The following DGKG variants were observed in gnomAD, a reference collection of about 807,000 sequenced individuals.
DGKG encodes DAG kinase gamma.
A neutral mutation model predicts 105.3 loss-of-function variants in DGKG; 78 were observed. The observed-to-expected ratio is 0.74, with a 90% CI of 0.62 to 0.89. The LOEUF is 0.89. Among genes scored for constraint, DGKG ranks in the 40% least tolerant of loss-of-function variants. The pLI is 0.00. For synonymous variants in DGKG, 346 were observed against 367.1 expected (o/e 0.94, Z 0.66); for missense variants, 958 against 1,020.1 (o/e 0.94, Z 0.83).
At chr3:186,318,625 A>C (rs980088649) in intron 2 of DGKG, among the ~76,000 whole-genome samples, 1 of 151,856 alleles carries the variant, frequency 6.6e-6, no homozygotes, top group African/African-American at 2.4e-5. Context: ...GGAAAGGGGG[A>C]ACTTTGGACA....
At chr3:186,248,175 G>A (rs1207847433) in intron 19 of DGKG, among the ~76,000 whole-genome samples, 1 of 152,224 alleles carries the variant, frequency 6.6e-6, no homozygotes, top group Non-Finnish European at 1.5e-5. Flanking sequence ...TACTAAGGAG[G>A]GCCATCTTAT....
At chr3:186,254,615 C>T (rs565229890) in intron 17 of DGKG, among the ~76,000 whole-genome samples, 3 of 152,282 alleles carry the variant, frequency 2.0e-5, no homozygotes, top group Non-Finnish European at 4.4e-5. Flanking sequence ...TCACATATCA[C>T]ATTCTATGTG....
intron 23 of DGKG, among the ~76,000 whole-genome samples, chr3:186,163,127 T>C (rs546355492): frequency 6.6e-6 from 1 of 152,090 alleles, no homozygotes; most frequent in Non-Finnish European, 1.5e-5. Context: ...TACCTCAACC[T>C]CCTGAGTAGC....
At position 186,190,645 on chromosome 3, in the gene DGKG, G is replaced by A. The variant is rs139263053; in HGVS notation, c.1918-2266C>T. Among the ~76,000 whole-genome samples the A allele has an allele frequency of 3.6e-3, 554 of 152,048 alleles. 3 individuals are homozygous for A. The highest frequency in any genetic ancestry group is 5.1e-3 in the Non-Finnish European group (349 of 67,994). On this transcript the variant is annotated intron_variant, in intron 21 of 24. Coordinates refer to ENST00000265022, the MANE Select transcript of DGKG (RefSeq NM_001346.3). ...TGATCTATTTTTCATCCAGTTCTTC[G>A]CCATTCTGAACCTGTGTAGATTTTA...
At chr3:186,340,679 C>G (rs968831842) in intron 1 of DGKG, among the ~76,000 whole-genome samples, 6 of 152,166 alleles carry the variant, frequency 3.9e-5, no homozygotes, top group Admixed American at 6.5e-5. Context: ...CTCAAACTTA[C>G]CTTCCTCCCA....
intron 10 of DGKG, among the ~76,000 whole-genome samples, chr3:186,274,887 CT>C (rs1180930007): frequency 3.9e-5 from 6 of 152,140 alleles, no homozygotes; most frequent in African/African-American, 1.4e-4. Flanking sequence ...ATTTATAATC[CT>C]TTGGGTATAT....
intron 17 of DGKG, among the ~76,000 whole-genome samples, chr3:186,256,884 C>A (rs1385278372): frequency 6.6e-6 from 1 of 152,250 alleles, no homozygotes; most frequent in African/African-American, 2.4e-5. Flanking sequence ...CAGCCTTGAG[C>A]TCCCTGTGCC....
rs141172001 is a variant in DGKG at position 186,348,543 on chromosome 3, T to C, written c.-249+13403A>G. 1.6e-3 allele frequency among the ~76,000 whole-genome samples: 246 copies of C among 150,868 alleles called. 1 individual carries two copies. The highest frequency in any genetic ancestry group is 5.9e-3 in the African/African-American group (241 of 40,868). Reference sequence around the variant, plus strand: ...CACGGCTCACTGCAGTCTGCACCTCTTGGGCTCAGGTGATCCTTCCACCTC... The same window carrying C: ...CACGGCTCACTGCAGTCTGCACCTCCTGGGCTCAGGTGATCCTTCCACCTC... On this transcript the variant is annotated intron_variant, in intron 1 of 24. Transcript: ENST00000265022.
intron 1 of DGKG, among the ~76,000 whole-genome samples, chr3:186,359,993 G>T (rs953177606): frequency 1.5e-4 from 23 of 152,272 alleles, no homozygotes; most frequent in African/African-American, 5.3e-4. Flanking sequence ...CTCTTCCAGG[G>T]GAGGAGATGG....
chr3:186,177,423 T>C (rs1340924332), intron 22 of DGKG, among the ~76,000 whole-genome samples: 5 of 152,194 alleles, frequency 3.3e-5, no homozygotes, highest in Non-Finnish European at 5.9e-5. Context: ...TCGTCAAACA[T>C]TTGTTGATCA....
intron 1 of DGKG, among the ~76,000 whole-genome samples, chr3:186,326,397 T>TCAAAAAAAAAAAAAAAAAAAAAAAA (rs1560156258): frequency 3.3e-5 from 5 of 149,722 alleles, no homozygotes; most frequent in African/African-American, 1.0e-4. Context: ...AGACACTGTC[T>TCAAAAAAAAAAAAAAAAAAAAAAAA]TAAAAAAAAA....
intron 1 of DGKG, among the ~76,000 whole-genome samples, chr3:186,337,327 T>C (rs938216528): frequency 6.6e-6 from 1 of 152,076 alleles, no homozygotes; most frequent in Non-Finnish European, 1.5e-5. Context: ...ACTATATTAA[T>C]AGAATATAAG....
intron 21 of DGKG, among the ~76,000 whole-genome samples, chr3:186,190,891 T>A (rs1396404631): frequency 1.3e-5 from 2 of 152,212 alleles, no homozygotes; most frequent in Non-Finnish European, 2.9e-5. Context: ...CCAAACATTA[T>A]GCGTTAACAT....
chr3:186,285,732 T>A (rs111598395), intron 6 of DGKG, among the ~76,000 whole-genome samples: 18 of 149,026 alleles, frequency 1.2e-4, no homozygotes, highest in Middle Eastern at 6.5e-3. Context: ...CAGGCTGGAG[T>A]GCAATGGCGC....
At chr3:186,182,354 G>C (rs930440237) in intron 22 of DGKG, among the ~76,000 whole-genome samples, 2 of 152,198 alleles carry the variant, frequency 1.3e-5, no homozygotes, top group African/African-American at 4.8e-5. Flanking sequence ...GGGCTCACCA[G>C]GTTCCAGGCA....
intron 2 of DGKG, 74 bp from the exon 3 acceptor site, chr3:186,307,051 T>A (rs1724279647): frequency 6.9e-6 from 7 of 1,018,372 alleles, no homozygotes; most frequent in East Asian, 2.4e-5. Context: ...ATTCTCCCTG[T>A]GTAACCATGT....
chr3:186,211,717 G>C, intron 21 of DGKG, 78 bp downstream of exon 21: 1 of 1,087,278 alleles, frequency 9.2e-7, no homozygotes, highest in Non-Finnish European at 1.4e-6. Flanking sequence ...GGTCCCAAGA[G>C]GATACATCCT....
At chr3:186,242,600 G>C in intron 19 of DGKG, 32 bp from the exon 20 acceptor site, 1 of 1,605,332 alleles carries the variant, frequency 6.2e-7, no homozygotes, top group Non-Finnish European at 8.5e-7. Context: ...CAGATCCTTG[G>C]TGAGTGGTCA....
At chr3:186,312,475 G>T (rs1375971053) in intron 2 of DGKG, among the ~76,000 whole-genome samples, 1 of 152,126 alleles carries the variant, frequency 6.6e-6, no homozygotes, top group Non-Finnish European at 1.5e-5. Flanking sequence ...TCTAAGCAAT[G>T]TCCCTGTGGA....
Sources: gnomAD v4.1 joint callset for allele counts (sites outside exome capture counted in the v4.1 genomes callset) on GRCh38, gnomAD v4.1.1 for gene constraint, MANE v1.5 for transcripts, NCBI Gene and HGNC (gene_info 2026-07-23, HGNC 2026-07-21) for gene names.